PALLD: variants seen among roughly 807,000 people sequenced by gnomAD.
PALLD encodes the protein palladin, cytoskeletal associated protein.
Under a neutral mutation model 123.5 loss-of-function variants are expected in PALLD, and 61 were observed. The observed-to-expected ratio is 0.49, with a 90% CI of 0.40 to 0.61. The LOEUF is 0.61. Ranked by LOEUF, PALLD falls within the 20% of genes least tolerant of loss-of-function variation. The pLI, the probability that PALLD is intolerant of heterozygous loss-of-function variation, is 0.00. For synonymous variants in PALLD, 465 were observed against 496.4 expected, an observed-to-expected ratio of 0.94 and a Z score of 0.84; for missense variants, 1,273 against 1,377.0, an observed-to-expected ratio of 0.92 and a Z score of 1.20.
At chr4:168,864,211 A>G (rs1749924700) in intron 10 of PALLD, among the ~76,000 whole-genome samples, 1 of 152,258 alleles carries the variant, frequency 6.6e-6, no homozygotes, top group Admixed American at 6.5e-5. Context: ...GCAATGGTTC[A>G]TCTTCTCTCT....
intron 2 of PALLD, among the ~76,000 whole-genome samples, chr4:168,587,310 C>T (rs1451639531): frequency 2.6e-5 from 4 of 152,230 alleles, no homozygotes; most frequent in Non-Finnish European, 2.9e-5. Flanking sequence ...CATAGGCAAT[C>T]ACTTGACCAA....
chr4:168,730,974 T>A (rs1787114001), intron 10 of PALLD, among the ~76,000 whole-genome samples: 1 of 152,180 alleles, frequency 6.6e-6, no homozygotes, highest in Non-Finnish European at 1.5e-5. Context: ...GGAGGAATGG[T>A]TGACTACCTA....
At chr4:168,841,424 A>C (rs1371793492) in intron 10 of PALLD, among the ~76,000 whole-genome samples, 2 of 152,260 alleles carry the variant, frequency 1.3e-5, no homozygotes, top group Non-Finnish European at 2.9e-5. Flanking sequence ...AATGCTTAAA[A>C]ATCCTGAAGA....
chr4:168,640,933 G>T (rs1776873025), intron 2 of PALLD, among the ~76,000 whole-genome samples: 1 of 152,146 alleles, frequency 6.6e-6, no homozygotes, highest in Admixed American at 6.5e-5. Flanking sequence ...TCCAGGCCGG[G>T]CACGGTGGCC....
At chr4:168,745,589 G>C (rs987222837) in intron 10 of PALLD, among the ~76,000 whole-genome samples, 1 of 152,050 alleles carries the variant, frequency 6.6e-6, no homozygotes, top group African/African-American at 2.4e-5. Flanking sequence ...GTTTATGTAT[G>C]GTTGCAATCC....
intron 2 of PALLD, among the ~76,000 whole-genome samples, chr4:168,552,369 A>T (rs1766826941): frequency 6.6e-6 from 1 of 152,142 alleles, no homozygotes; most frequent in Non-Finnish European, 1.5e-5. Context: ...GGGAAGTATG[A>T]AGTGATATTT....
chr4:168,568,059 A>C (rs1223791535), intron 2 of PALLD, among the ~76,000 whole-genome samples: 2 of 152,132 alleles, frequency 1.3e-5, no homozygotes, highest in Non-Finnish European at 2.9e-5. Context: ...AAAATACTCT[A>C]AATAAAAGCT....
At chr4:168,693,173 CTTCATCACTTATCCTACATACA>C (rs1782804621) in intron 8 of PALLD, among the ~76,000 whole-genome samples, 5 of 147,122 alleles carry the variant, frequency 3.4e-5, no homozygotes, top group African/African-American at 1.3e-4. Context: ...CGCCCTGCGT[CTTCATCACTTATCCTACATACA>C]CTCCTTCTGT....
chr4:168,619,548 T>C (rs1389636133), intron 2 of PALLD, among the ~76,000 whole-genome samples: 2 of 151,992 alleles, frequency 1.3e-5, no homozygotes, highest in Non-Finnish European at 2.9e-5. Context: ...CTGGAAAGAG[T>C]TGTGTGATTC....
chr4:168,646,693 C>G (rs547802053), intron 2 of PALLD, among the ~76,000 whole-genome samples: 3 of 152,214 alleles, frequency 2.0e-5, no homozygotes, highest in Non-Finnish European at 4.4e-5. Context: ...AGATTAATTT[C>G]TATGGCTCCA....
At chr4:168,702,183 G>C (rs1041112602) in intron 8 of PALLD, among the ~76,000 whole-genome samples, 5 of 152,014 alleles carry the variant, frequency 3.3e-5, no homozygotes, top group Non-Finnish European at 5.9e-5. Context: ...GAACTAGAGA[G>C]GCTAGAAAAA....
intron 10 of PALLD, among the ~76,000 whole-genome samples, chr4:168,819,933 G>A (rs979083524): frequency 3.3e-5 from 5 of 152,218 alleles, no homozygotes; most frequent in African/African-American, 1.2e-4. Flanking sequence ...AAGAGTTAAT[G>A]CCAGAGCCAA....
In PALLD at chr4:168,527,422, C is replaced by CAAAAAAAAAAAAA. The variant is rs35555541; in HGVS notation, c.908+15020_908+15032dup. Among the ~76,000 whole-genome samples the CAAAAAAAAAAAAA allele has an allele frequency of 9.7e-3, 513 of 52,898 alleles. 94 individuals carry two copies. The highest frequency in any genetic ancestry group is 0.048 in the African/African-American group (424 of 8,846). The allele number at this position is 52,898 out of a possible 152,430, so 34.7% of individuals were successfully genotyped here. A position where few individuals can be genotyped will look rare whatever the true frequency, so the allele number is the denominator to read the frequency against. On this transcript the variant is annotated intron_variant, in intron 2 of 21. Coordinates refer to ENST00000505667, the MANE Select transcript of PALLD (RefSeq NM_001166108.2). Reference sequence around the variant, plus strand: ...GGGCAACAGGAGTGAAACTCCATCTCAAAAAAAAAAAAAAAAAAAAAAGTC... The same window carrying CAAAAAAAAAAAAA: ...GGGCAACAGGAGTGAAACTCCATCTCAAAAAAAAAAAAAAAAAAAAAAAAAAAAAAAAAAAGTC...
At chr4:168,703,891 C>G (rs113926761) in intron 8 of PALLD, among the ~76,000 whole-genome samples, 1 of 146,412 alleles carries the variant, frequency 6.8e-6, no homozygotes, top group Non-Finnish European at 1.5e-5. Flanking sequence ...TTTCTTTTGC[C>G]GTGCAGAAGC....
chr4:168,846,522 C>G (rs533537676), intron 10 of PALLD, among the ~76,000 whole-genome samples: 78 of 152,300 alleles, frequency 5.1e-4, no homozygotes, highest in African/African-American at 1.6e-3. Flanking sequence ...TAGGTATGGT[C>G]TGTAAGAGGA....
intron 10 of PALLD, among the ~76,000 whole-genome samples, chr4:168,816,413 A>ATATTTTTTTT (rs34003798): frequency 7.4e-6 from 1 of 135,996 alleles, no homozygotes; most frequent in East Asian, 2.2e-4. Context: ...ATATATATAT[A>ATATTTTTTTT]TTTTTTTTAA....
At chr4:168,920,955 G>C (rs1424567771) in intron 17 of PALLD, among the ~76,000 whole-genome samples, 1 of 152,032 alleles carries the variant, frequency 6.6e-6, no homozygotes, top group Non-Finnish European at 1.5e-5. Context: ...CCATAGCCCT[G>C]GGCAAGGTAA....
intron 2 of PALLD, among the ~76,000 whole-genome samples, chr4:168,560,880 T>A (rs948131144): frequency 6.6e-6 from 1 of 152,218 alleles, no homozygotes; most frequent in Non-Finnish European, 1.5e-5. Context: ...TTTATTCTAT[T>A]TTTAAAGTGC....
At chr4:168,622,658 C>T (rs563019083) in intron 2 of PALLD, among the ~76,000 whole-genome samples, 1 of 152,350 alleles carries the variant, frequency 6.6e-6, no homozygotes, top group African/African-American at 2.4e-5. Context: ...TAATCAGGTC[C>T]TTTCTTAAAT....
Sources: allele counts gnomAD v4.1 joint callset (sites outside exome capture counted in the v4.1 genomes callset), GRCh38; gene constraint gnomAD v4.1.1; transcripts MANE v1.5; gene names NCBI Gene and HGNC (gene_info 2026-07-23, HGNC 2026-07-21).